LTN1: variants seen among roughly 807,000 people sequenced by gnomAD.
LTN1 encodes listerin E3 ubiquitin protein ligase 1.
Under a neutral mutation model 201.2 loss-of-function variants are expected in LTN1, and 88 were observed. That is an observed-to-expected ratio of 0.44 (90% confidence interval 0.37 to 0.52). The LOEUF is 0.52. Among genes scored for constraint, LTN1 ranks in the 20% least tolerant of loss-of-function variants. The pLI is 0.00. For synonymous variants in LTN1, 645 were observed against 713.5 expected, an observed-to-expected ratio of 0.90 and a Z score of 1.53; for missense variants, 1,752 against 2,038.7, an observed-to-expected ratio of 0.86 and a Z score of 2.71.
chr21:28,959,551 C>T lies in LTN1; in HGVS notation c.2500G>A (p.Ala834Thr), dbSNP rs1221350872. ...CDVAYNYFSS[A>T]KGCLLMPSSE... ...GATGGCATTAGCAAGCATCCTTTCGCTGAGCTGAAATAGTTATAGGCCACA... is the reference window on the plus strand; with the variant it reads ...GATGGCATTAGCAAGCATCCTTTCGTTGAGCTGAAATAGTTATAGGCCACA... Residue 834 changes from alanine (A) to threonine (T), a missense_variant, in exon 13 of 30, where the codon GCG (alanine) becomes ACG (threonine). By Grantham distance (58) the Ala-to-Thr change is moderately conservative. Transcript: ENST00000361371. 3 of 1,614,018 alleles carry T rather than the reference C, an allele frequency of 1.9e-6. No individual in the cohort carries two copies. Among genetic ancestry groups the T allele is most frequent in the Non-Finnish European group, 2.5e-6 (3 of 1,179,988 alleles).
At chr21:28,935,852 A>C (rs2084252477) in intron 26 of LTN1, among the ~76,000 whole-genome samples, 1 of 151,970 alleles carries the variant, frequency 6.6e-6, no homozygotes, top group Admixed American at 6.5e-5. Flanking sequence ...AAAAAAAAAA[A>C]AAAAAAGTGA....
chr21:28,949,339 T>C (rs1299420639), intron 18 of LTN1, among the ~76,000 whole-genome samples: 1 of 152,184 alleles, frequency 6.6e-6, no homozygotes, highest in Non-Finnish European at 1.5e-5. Flanking sequence ...AGAAATACTA[T>C]ATAAAAAATT....
At chr21:28,984,988 GATATGCTA>G in intron 3 of LTN1, 66 bp from the exon 4 acceptor site, 1 of 1,108,112 alleles carries the variant, frequency 9.0e-7, no homozygotes, top group Admixed American at 2.3e-5. Context: ...GACATTTCCG[GATATGCTA>G]TAATGACCCA....
chr21:28,992,526 T>C (rs762476679), intron 1 of LTN1, among the ~76,000 whole-genome samples: 36 of 152,156 alleles, frequency 2.4e-4, no homozygotes, highest in Non-Finnish European at 4.4e-5. Context: ...ATATTATGGG[T>C]GTGTGCTCGG....
rs1389406501 is a variant in LTN1, at chr21:28,939,648, C to T, written c.4482+1572G>A. On this transcript the variant is annotated intron_variant, in intron 25 of 29. Transcript: ENST00000361371. ...CAGACTCAATAATAATAAATGCTGC[C>T]GTATAATTTTGCACCCTAACCCAAT... Among the ~76,000 whole-genome samples the T allele has an allele frequency of 3.3e-5, 5 of 152,006 alleles. No homozygotes were observed. In the East Asian group the frequency reaches 7.7e-4, roughly 23 times the overall value.
intron 11 of LTN1, 96 bp from the exon 12 acceptor site, chr21:28,960,802 C>G (rs1388600100): frequency 1.2e-6 from 1 of 804,308 alleles, no homozygotes; most frequent in Non-Finnish European, 2.0e-6. Flanking sequence ...CCTTCGTTAT[C>G]ATGGCTCCAA....
At chr21:28,989,766 A>C (rs1375187929) in intron 1 of LTN1, among the ~76,000 whole-genome samples, 1 of 152,062 alleles carries the variant, frequency 6.6e-6, no homozygotes, top group East Asian at 1.9e-4. Context: ...CCAGCACTTT[A>C]GGAGGCTGAG....
In LTN1 at chr21:28,941,278, A is replaced by G; in HGVS notation, c.4424T>C (p.Leu1475Pro). ...KPLSEDFCYV[L>P]GYLLTWKLIL... ...TAATTTCCAAGTGAGAAGGTATCCCAGAACATAACAGAAGTCTTCACTCAG... is the reference window on the plus strand; with the variant it reads ...TAATTTCCAAGTGAGAAGGTATCCCGGAACATAACAGAAGTCTTCACTCAG... Residue 1475 changes from leucine to proline, a missense_variant, in exon 25 of 30, where the codon CTG (leucine) becomes CCG (proline). Around this residue, in one of 3 missense-constraint regions of LTN1, gnomAD observed 1,211 missense variants for 1,312.8 expected, o/e 0.92. Coordinates refer to ENST00000361371, the MANE Select transcript of LTN1 (RefSeq NM_015565.3). 6.2e-7 allele frequency: 1 copy of G among 1,613,430 alleles called. No individual in the cohort carries two copies. The highest frequency in any genetic ancestry group is 1.7e-5 in the Admixed American group (1 of 59,942).
chr21:28,940,962 C>A (rs1450668518), intron 25 of LTN1, among the ~76,000 whole-genome samples: 1 of 152,160 alleles, frequency 6.6e-6, no homozygotes, highest in Non-Finnish European at 1.5e-5. Context: ...TGGCTTGCAC[C>A]TGTAGTCCCA....
intron 19 of LTN1, 95 bp from the exon 20 acceptor site, chr21:28,946,382 G>T: frequency 1.3e-6 from 1 of 772,636 alleles, no homozygotes; most frequent in Non-Finnish European, 2.0e-6. Context: ...AGACTTTCTT[G>T]AGAAGTGTTC....
Position 28,944,592 on chromosome 21 carries a change from G to T in LTN1, c.3773C>A (p.Thr1258Lys), listed in dbSNP as rs2084322900. The change falls in exon 22 of 30, where the codon ACA (threonine) becomes AAA (lysine). Residue 1258 changes from threonine to lysine, a missense_variant. Thr to Lys is a moderately conservative substitution (Grantham distance 78). Transcript: ENST00000361371. ...AGAATACAATGCCTGATTCTCACTTGTTGTCTGAAAAAACAATAAAAATGA... is the reference window on the plus strand; with the variant it reads ...AGAATACAATGCCTGATTCTCACTTTTTGTCTGAAAAAACAATAAAAATGA... ...MCSMLAWLET[T>K]SENQALYSIP... The T allele has an allele frequency of 1.2e-6, 2 of 1,610,406 alleles. No individual in the cohort carries two copies. The highest frequency in any genetic ancestry group is 2.2e-5 in the South Asian group (2 of 90,818).
intron 6 of LTN1, 76 bp from the exon 7 acceptor site, chr21:28,971,520 A>G: frequency 7.5e-7 from 1 of 1,337,486 alleles, no homozygotes; most frequent in East Asian, 2.3e-5. Context: ...GTAATAGTAG[A>G]TTATTCACAC....
At chr21:28,973,741 C>T (rs1396406336) in intron 6 of LTN1, among the ~76,000 whole-genome samples, 2 of 151,940 alleles carry the variant, frequency 1.3e-5, no homozygotes, top group African/African-American at 4.8e-5. Context: ...CTAAGATAAC[C>T]AAAAGAATTT....
intron 6 of LTN1, among the ~76,000 whole-genome samples, chr21:28,976,815 A>C (rs1014351284): frequency 1.1e-4 from 16 of 152,138 alleles, no homozygotes; most frequent in African/African-American, 3.9e-4. Flanking sequence ...GTGCAGTGGC[A>C]GTGCAATCAA....
intron 20 of LTN1, 60 bp from the exon 21 acceptor site, chr21:28,946,011 T>C: frequency 6.7e-7 from 1 of 1,490,546 alleles, no homozygotes; most frequent in Non-Finnish European, 9.2e-7. Context: ...AATTAGAAAG[T>C]ATGCTACTTT....
chr21:28,957,321 T>G lies in LTN1; in HGVS notation c.2892+11A>C. On this transcript the variant is annotated intron_variant, in intron 15 of 29. Coordinates refer to ENST00000361371, the MANE Select transcript of LTN1 (RefSeq NM_015565.3). ...CAGAATGAGATATGTACTCTTCAAT[T>G]TCCAAAATACCTGCATAGGAAGAGA... is the stretch of plus-strand genomic sequence containing the variant. 6.4e-7 allele frequency: 1 copy of G among 1,573,092 alleles called. No individual in the cohort carries two copies. Among genetic ancestry groups the G allele is most frequent in the Non-Finnish European group, 8.6e-7 (1 of 1,166,046 alleles).
chr21:28,986,243 AG>A lies in LTN1; in HGVS notation c.247-7del, dbSNP rs1296111295. The A allele has an allele frequency of 3.3e-6, 5 of 1,527,892 alleles. No homozygotes were observed. In the South Asian group the frequency reaches 3.4e-5, roughly 10 times the overall value. The allele number at this position is 1,527,892 out of a possible 1,614,324, so 94.6% of individuals were successfully genotyped here. A position where few individuals can be genotyped will look rare whatever the true frequency, so the allele number is the denominator to read the frequency against. ...GTTCCAAATTCCTGCATAGCCTAAA[AG>A]TAAGTTATTAACATCATTAGGATTA... is the stretch of plus-strand genomic sequence containing the variant. On this transcript the variant is annotated splice_polypyrimidine_tract_variant and splice_region_variant and intron_variant, in intron 2 of 29. Transcript: ENST00000361371. The surrounding 1 kb of genome is among the most constrained non-coding windows in gnomAD (Gnocchi z 4.1).
At chr21:28,971,029 T>C (rs2084569959) in intron 7 of LTN1, among the ~76,000 whole-genome samples, 1 of 152,234 alleles carries the variant, frequency 6.6e-6, no homozygotes, top group Non-Finnish European at 1.5e-5. Context: ...CAATCTTAAT[T>C]ATATTTCATC....
chr21:28,991,298 A>G (rs566071879), intron 1 of LTN1, among the ~76,000 whole-genome samples: 1 of 152,238 alleles, frequency 6.6e-6, no homozygotes, highest in East Asian at 1.9e-4. Context: ...TACAAAAAAA[A>G]AAAAAAGAAA....
Sources: allele counts gnomAD v4.1 joint callset (sites outside exome capture counted in the v4.1 genomes callset), GRCh38; gene constraint gnomAD v4.1.1; regional missense constraint gnomAD v4.1.1; non-coding constraint Gnocchi (gnomAD v3.1); transcripts MANE v1.5; gene names NCBI Gene and HGNC (gene_info 2026-07-23, HGNC 2026-07-21).